The following KDM7A variants were observed in gnomAD, a reference collection of about 807,000 sequenced individuals.
KDM7A encodes the protein lysine-specific demethylase 7A.
A neutral mutation model predicts 114.8 loss-of-function variants in KDM7A; 28 were observed. The observed-to-expected ratio is 0.24, with a 90% confidence interval of 0.18 to 0.33. The LOEUF (loss-of-function observed/expected upper bound fraction) is 0.33. KDM7A is among the 10% of genes least tolerant of loss of function. The pLI is 1.00. For missense variants in KDM7A, 942 were observed against 1,142.5 expected (o/e 0.82, Z 2.53); for synonymous variants, 423 against 397.8 (o/e 1.06, Z -0.75).
At chr7:140,123,935 T>C (rs1208893829) in intron 7 of KDM7A, among the ~76,000 whole-genome samples, 1 of 151,892 alleles carries the variant, frequency 6.6e-6, no homozygotes, top group Non-Finnish European at 1.5e-5. Context: ...CCAGGCATGG[T>C]GGCGGGCGCC....
intron 8 of KDM7A, among the ~76,000 whole-genome samples, chr7:140,120,187 A>T (rs1818596638): frequency 6.6e-6 from 1 of 152,174 alleles, no homozygotes; most frequent in Non-Finnish European, 1.5e-5. Flanking sequence ...CATTTTCACA[A>T]AATTTTGAAA....
chr7:140,174,913 C>T (rs949088577), intron 1 of KDM7A, among the ~76,000 whole-genome samples: 14 of 151,916 alleles, frequency 9.2e-5, no homozygotes. Flanking sequence ...CCAAGCCTGG[C>T]GAGACAAATT....
At chr7:140,105,245 T>C (rs948456740) in intron 11 of KDM7A, among the ~76,000 whole-genome samples, 1 of 152,200 alleles carries the variant, frequency 6.6e-6, no homozygotes, top group Non-Finnish European at 1.5e-5. Flanking sequence ...CAGGGACAAT[T>C]TGACTTCCTC....
At chr7:140,132,356 G>A (rs2116810820) in intron 3 of KDM7A, among the ~76,000 whole-genome samples, 1 of 152,016 alleles carries the variant, frequency 6.6e-6, no homozygotes, top group East Asian at 1.9e-4. Context: ...TATTAGGCCA[G>A]TGTTTTTAAC....
At chr7:140,098,853 TTAAAA>T in intron 14 of KDM7A, 21 bp downstream of exon 14, 2 of 1,575,970 alleles carry the variant, frequency 1.3e-6, no homozygotes, top group Non-Finnish European at 1.7e-6. Flanking sequence ...CAAAAGATCT[TTAAAA>T]TAACCATTAA....
chr7:140,149,840 GC>G (rs1032484425), intron 1 of KDM7A, among the ~76,000 whole-genome samples: 3 of 152,154 alleles, frequency 2.0e-5, no homozygotes, highest in African/African-American at 7.2e-5. Context: ...ATAAAGGTTT[GC>G]TTGGCAATGT....
chr7:140,143,499 A>C (rs1264139601), intron 1 of KDM7A, among the ~76,000 whole-genome samples: 1 of 152,240 alleles, frequency 6.6e-6, no homozygotes, highest in East Asian at 1.9e-4. Flanking sequence ...AAAAATACAC[A>C]ACACAATACA....
intron 1 of KDM7A, among the ~76,000 whole-genome samples, chr7:140,175,701 G>T (rs755512575): frequency 1.3e-5 from 2 of 152,130 alleles, no homozygotes; most frequent in African/African-American, 2.4e-5. Flanking sequence ...CTGCGGAGGC[G>T]GCCCGAGCTC....
chr7:140,132,941 A>C (rs1295757971), intron 3 of KDM7A, among the ~76,000 whole-genome samples: 1 of 152,218 alleles, frequency 6.6e-6, no homozygotes, highest in Non-Finnish European at 1.5e-5. Context: ...AAGCATTATC[A>C]CTTGAAATAG....
intron 11 of KDM7A, among the ~76,000 whole-genome samples, chr7:140,103,295 G>A (rs1355979886): frequency 6.8e-6 from 1 of 147,710 alleles, no homozygotes; most frequent in Non-Finnish European, 1.5e-5. Context: ...TATACCATGT[G>A]TCAGCATTTC....
chr7:140,171,377 G>A (rs1443726690), intron 1 of KDM7A, among the ~76,000 whole-genome samples: 1 of 151,240 alleles, frequency 6.6e-6, no homozygotes, highest in East Asian at 1.9e-4. Context: ...GCTGAGGCAG[G>A]AGAATCATTT....
chr7:140,103,456 T>TCC (rs36126233), intron 11 of KDM7A, among the ~76,000 whole-genome samples: 3 of 147,602 alleles, frequency 2.0e-5, no homozygotes, highest in Non-Finnish European at 4.5e-5. Flanking sequence ...ATGTTATCCC[T>TCC]CCCCCCCCCT....
intron 1 of KDM7A, among the ~76,000 whole-genome samples, chr7:140,153,150 C>T (rs1168123350): frequency 3.3e-5 from 5 of 151,362 alleles, no homozygotes; most frequent in Non-Finnish European, 7.4e-5. Flanking sequence ...TCTTAATTTC[C>T]ACTAAAGGTC....
chr7:140,093,445 G>A (rs1278290540), intron 18 of KDM7A, among the ~76,000 whole-genome samples: 1 of 152,120 alleles, frequency 6.6e-6, no homozygotes, highest in African/African-American at 2.4e-5. Flanking sequence ...TTTCTTATGT[G>A]TGCTTGGGGT....
At chr7:140,098,796 G>A in intron 14 of KDM7A, 83 bp downstream of exon 14, 1 of 1,224,820 alleles carries the variant, frequency 8.2e-7, no homozygotes, top group Non-Finnish European at 1.2e-6. Context: ...TTAAACTTAA[G>A]AACTTCAAAA....
rs562888539 is a variant in KDM7A, at chr7:140,105,837, T to C, written c.1429-3677A>G. On this transcript the variant is annotated intron_variant, in intron 11 of 19. Transcript: ENST00000397560. Reference sequence around the variant, plus strand: ...TTAGGGAGGATTCCCTCTTTTTCTATTGATTGGAATAGTTTCAAAAGGAAT... The same window carrying C: ...TTAGGGAGGATTCCCTCTTTTTCTACTGATTGGAATAGTTTCAAAAGGAAT... 2.6e-5 allele frequency among the ~76,000 whole-genome samples: 4 copies of C among 152,366 alleles called. No individual in the cohort carries two copies. In the East Asian group the frequency reaches 5.8e-4, roughly 22 times the overall value.
At chr7:140,105,272 C>T (rs1459703920) in intron 11 of KDM7A, among the ~76,000 whole-genome samples, 1 of 152,138 alleles carries the variant, frequency 6.6e-6, no homozygotes, top group East Asian at 1.9e-4. Flanking sequence ...TAACGGAATA[C>T]CCTTTATTTC....
At chr7:140,115,391 G>GT (rs1232529304) in intron 9 of KDM7A, among the ~76,000 whole-genome samples, 2 of 152,234 alleles carry the variant, frequency 1.3e-5, no homozygotes, top group African/African-American at 4.8e-5. Context: ...AAATCAGATT[G>GT]TTGCTGTGTC....
At chr7:140,112,240 G>A (rs1270591597) in intron 10 of KDM7A, among the ~76,000 whole-genome samples, 1 of 152,142 alleles carries the variant, frequency 6.6e-6, no homozygotes, top group African/African-American at 2.4e-5. Flanking sequence ...AATCATTGAG[G>A]CAGTAACCTA....
Sources: allele counts gnomAD v4.1 joint callset (sites outside exome capture counted in the v4.1 genomes callset), GRCh38; gene constraint gnomAD v4.1.1; transcripts MANE v1.5; gene names NCBI Gene and HGNC (gene_info 2026-07-23, HGNC 2026-07-21).